CFAP54: variants seen among roughly 807,000 people sequenced by gnomAD.
CFAP54 encodes the protein cilia and flagella associated protein 54.
A neutral mutation model predicts 370.4 loss-of-function variants in CFAP54; 290 were observed. The observed-to-expected ratio is 0.78, with a 90% confidence interval of 0.71 to 0.86. The LOEUF is 0.86. CFAP54 is among the 40% of genes least tolerant of loss of function. The probability of loss-of-function intolerance (pLI) is 0.00; values close to 1 mark genes in which losing one functional copy is unlikely to be tolerated. For missense variants in CFAP54, 3,399 were observed against 3,528.7 expected (o/e 0.96, Z 0.93); for synonymous variants, 1,206 against 1,236.5 (o/e 0.98, Z 0.52).
At chr12:96,660,612 A>G (rs551152559) in intron 38 of CFAP54, among the ~76,000 whole-genome samples, 3 of 152,348 alleles carry the variant, frequency 2.0e-5, no homozygotes, top group African/African-American at 4.8e-5. Context: ...GTCTCCCACT[A>G]TGCTCTTACA....
At chr12:96,598,607 C>A in intron 25 of CFAP54, 38 bp from the exon 26 acceptor site, 1 of 574,986 alleles carries the variant, frequency 1.7e-6, no homozygotes, top group Non-Finnish European at 3.2e-6. Flanking sequence ...GTAAGGATGA[C>A]ATTTTAAAAC....
chr12:96,699,989 T>C lies in CFAP54; in HGVS notation c.6370T>C (p.Leu2124=). 15 of 1,582,444 alleles carry C rather than the reference T, an allele frequency of 9.5e-6. No individual in the cohort carries two copies. Among genetic ancestry groups the C allele is most frequent in the Non-Finnish European group, 1.3e-5 (15 of 1,155,584 alleles). Residue 2124 remains leucine, a synonymous_variant, in exon 46 of 68, where the codon TTG becomes CTG. Transcript: ENST00000524981. ...TTTACAGATAGAAGTCCTTATAGAT[T>C]TGAGATTCTTTTCTGAAGCCTTTTA... The part of the protein sequence containing the change: ...RILKIEVLID[L]RFFSEAFYEI...
In CFAP54 at chr12:96,527,162, G is replaced by T. The variant is rs148934481; in HGVS notation, c.1159-84G>T. On this transcript the variant is annotated intron_variant, in intron 8 of 67. Transcript: ENST00000524981. ...TCCTCCTGCCTTGGCCTCCCAAAGTGTTGGGATTATAGGCATGAGCCACTG... is the reference window on the plus strand; with the variant it reads ...TCCTCCTGCCTTGGCCTCCCAAAGTTTTGGGATTATAGGCATGAGCCACTG... 9.0e-4 allele frequency: 1,100 copies of T among 1,217,372 alleles called. 13 individuals are homozygous for T. The African/African-American group carries it at 0.015, about 16-fold the overall frequency. 75.4% of individuals were successfully genotyped at this position (1,217,372 alleles called of 1,614,324 possible). A position where few individuals can be genotyped will look rare whatever the true frequency, so the allele number is the denominator to read the frequency against.
chr12:96,792,149 C>T (rs1345964372), intron 62 of CFAP54, among the ~76,000 whole-genome samples, 180 bp from the exon 63 acceptor site: 1 of 152,148 alleles, frequency 6.6e-6, no homozygotes, highest in African/African-American at 2.4e-5. Context: ...CGCGCCTGGC[C>T]AGCATATTTT....
At chr12:96,608,755 C>T (rs1956326634) in intron 26 of CFAP54, among the ~76,000 whole-genome samples, 1 of 152,014 alleles carries the variant, frequency 6.6e-6, no homozygotes, top group African/African-American at 2.4e-5. Flanking sequence ...AGCCACCACG[C>T]CCAGCTGCAT....
intron 32 of CFAP54, among the ~76,000 whole-genome samples, chr12:96,632,444 C>T (rs1322199811): frequency 2.0e-5 from 3 of 151,904 alleles, no homozygotes; most frequent in African/African-American, 7.2e-5. Context: ...GAAGATGAGT[C>T]CCTTTCACTC....
At chr12:96,826,297 A>G (rs1186212289) in intron 65 of CFAP54, among the ~76,000 whole-genome samples, 1 of 143,720 alleles carries the variant, frequency 7.0e-6, no homozygotes, top group Non-Finnish European at 1.5e-5. Flanking sequence ...CAAGACATAT[A>G]TATATAGAAG....
At chr12:96,776,117 A>T (rs1278306022) in intron 60 of CFAP54, among the ~76,000 whole-genome samples, 1 of 152,120 alleles carries the variant, frequency 6.6e-6, no homozygotes, top group East Asian at 1.9e-4. Context: ...TTAGGGGAAA[A>T]ACTATTAGCC....
intron 19 of CFAP54, among the ~76,000 whole-genome samples, chr12:96,573,866 G>C (rs981496389): frequency 6.6e-6 from 1 of 152,176 alleles, no homozygotes; most frequent in African/African-American, 2.4e-5. Context: ...CCATACGAAG[G>C]AATGGTTGTC....
chr12:96,738,890 G>A (rs574685286), intron 50 of CFAP54, among the ~76,000 whole-genome samples: 3 of 152,244 alleles, frequency 2.0e-5, no homozygotes, highest in South Asian at 2.1e-4. Context: ...GATTACAGGC[G>A]TGAGCCACTG....
intron 50 of CFAP54, among the ~76,000 whole-genome samples, chr12:96,737,171 A>G (rs1957988493): frequency 6.6e-6 from 1 of 152,168 alleles, no homozygotes; most frequent in Non-Finnish European, 1.5e-5. Flanking sequence ...GAAATCTGAA[A>G]TGCCCCGACA....
chr12:96,587,733 A>C (rs1303561039), intron 22 of CFAP54, among the ~76,000 whole-genome samples: 1 of 152,198 alleles, frequency 6.6e-6, no homozygotes, highest in African/African-American at 2.4e-5. Context: ...ACCCTCTTAC[A>C]CATCATCTAT....
intron 26 of CFAP54, among the ~76,000 whole-genome samples, chr12:96,603,931 T>C (rs962437986): frequency 1.3e-5 from 2 of 152,046 alleles, no homozygotes; most frequent in Non-Finnish European, 2.9e-5. Context: ...AAGTTTGTTA[T>C]TACTGACCTT....
At position 96,701,561 on chromosome 12, in the gene CFAP54, G is replaced by T. The variant is rs147602695; in HGVS notation, c.6474+1468G>T. On this transcript the variant is annotated intron_variant, in intron 46 of 67. Transcript: ENST00000524981. Reference sequence around the variant, plus strand: ...CAAGGACAGTCAAGCAGAGTTGAGGGGATGGAGAGTGACCAGGGCAGTGGA... The same window carrying T: ...CAAGGACAGTCAAGCAGAGTTGAGGTGATGGAGAGTGACCAGGGCAGTGGA... Among the ~76,000 whole-genome samples, 51 of 152,032 alleles carry T rather than the reference G, an allele frequency of 3.4e-4. No individual in the cohort carries two copies. In the Middle Eastern group the frequency reaches 0.01, roughly 30 times the overall value.
intron 40 of CFAP54, chr12:96,682,350 A>G (rs574408262): frequency 2.0e-6 from 2 of 980,210 alleles, no homozygotes; most frequent in Non-Finnish European, 2.4e-6. Context: ...AGAGTTAGCC[A>G]TTATGTACTC....
At chr12:96,630,530 C>A in intron 31 of CFAP54, 21 bp from the exon 32 acceptor site, 1 of 1,257,160 alleles carries the variant, frequency 8.0e-7, no homozygotes, top group South Asian at 1.6e-5. Context: ...TAACTTGTAA[C>A]ATTTTATCTC....
rs559306364 is a variant in CFAP54 at position 96,499,528 on chromosome 12, T to C, written c.318-1306T>C. On this transcript the variant is annotated intron_variant, in intron 1 of 67. Coordinates refer to ENST00000524981, the MANE Select transcript of CFAP54 (RefSeq NM_001306084.2). ...ATTGATTGCTGGTGGGAATGCAAAA[T>C]AGTACAGCCACTTTGGAGGACAGGT... is the stretch of plus-strand genomic sequence containing the variant. 1.4e-4 allele frequency among the ~76,000 whole-genome samples: 21 copies of C among 152,142 alleles called. No individual in the cohort carries two copies. In the South Asian group the frequency reaches 4.2e-3, roughly 30 times the overall value.
intron 30 of CFAP54, among the ~76,000 whole-genome samples, chr12:96,629,831 C>A (rs1181534538): frequency 6.6e-6 from 1 of 152,114 alleles, no homozygotes; most frequent in Non-Finnish European, 1.5e-5. Context: ...TGCTCTTAAA[C>A]TTTTATCAAT....
In CFAP54 at chr12:96,787,903, G is replaced by A. The variant is rs557494766; in HGVS notation, c.8679+1005G>A. 2.0e-5 allele frequency among the ~76,000 whole-genome samples: 3 copies of A among 151,568 alleles called. No individual in the cohort carries two copies. The East Asian group carries it at 5.8e-4, about 29-fold the overall frequency. ...ATTGGCAAAGGATAGATGAAAAAGTGAGGTTTTTTTTTTTTGGTTTTTTTT... is the reference window on the plus strand; with the variant it reads ...ATTGGCAAAGGATAGATGAAAAAGTAAGGTTTTTTTTTTTTGGTTTTTTTT... On this transcript the variant is annotated intron_variant, in intron 62 of 67. Coordinates refer to ENST00000524981, the MANE Select transcript of CFAP54 (RefSeq NM_001306084.2).
Sources: allele counts gnomAD v4.1 joint callset (sites outside exome capture counted in the v4.1 genomes callset), GRCh38; gene constraint gnomAD v4.1.1; transcripts MANE v1.5; gene names NCBI Gene and HGNC (gene_info 2026-07-23, HGNC 2026-07-21).